PCDH11X: variants seen among roughly 807,000 people sequenced by gnomAD.
The protein encoded by PCDH11X is protocadherin 11 X-linked.
Under a neutral mutation model 53.3 loss-of-function variants are expected in PCDH11X, and 18 were observed. That is an observed-to-expected ratio of 0.34 (90% CI 0.23 to 0.50). The LOEUF (loss-of-function observed/expected upper bound fraction) is 0.50, where lower values mean the gene tolerates loss of function less well. Among genes scored for constraint, PCDH11X ranks in the 20% least tolerant of loss-of-function variants. PCDH11X has a pLI of 0.98. For synonymous variants in PCDH11X, 279 were observed against 393.3 expected, an observed-to-expected ratio of 0.71 and a Z score of 3.44; for missense variants, 570 against 1,032.4, an observed-to-expected ratio of 0.55 and a Z score of 6.14.
intron 6 of PCDH11X, among the ~76,000 whole-genome samples, chrX:92,150,648 T>G (rs1376112591): frequency 1.8e-5 from 2 of 111,374 alleles, no homozygotes; most frequent in African/African-American, 3.3e-5. Context: ...ATCTTCCTGA[T>G]AGTGAGCCTT....
chrX:92,593,264 A>G (rs1186336010), intron 10 of PCDH11X, among the ~76,000 whole-genome samples: 1 of 111,663 alleles, frequency 9.0e-6, no homozygotes, highest in African/African-American at 3.3e-5. Context: ...TAAGGTCTGG[A>G]GACATATAGA....
At chrX:92,194,196 T>C (rs2066251997) in intron 6 of PCDH11X, among the ~76,000 whole-genome samples, 1 of 111,876 alleles carries the variant, frequency 8.9e-6, no homozygotes, top group Non-Finnish European at 1.9e-5. Context: ...TGTGCCTACA[T>C]TGAGGAGTAA....
intron 6 of PCDH11X, among the ~76,000 whole-genome samples, chrX:92,078,948 C>G (rs1292565510): frequency 1.8e-5 from 2 of 109,952 alleles, no homozygotes; most frequent in Non-Finnish European, 3.8e-5. Flanking sequence ...GTTATAAGAG[C>G]CCAAGGAATC....
At chrX:92,599,135 C>T (rs1371861706) in intron 10 of PCDH11X, among the ~76,000 whole-genome samples, 1 of 111,290 alleles carries the variant, frequency 9.0e-6, no homozygotes, top group Non-Finnish European at 1.9e-5. Flanking sequence ...GATAGTAAAA[C>T]AGGATGACTA....
At chrX:92,467,564 C>A (rs1223082017) in intron 9 of PCDH11X, among the ~76,000 whole-genome samples, 5 of 110,966 alleles carry the variant, frequency 4.5e-5, no homozygotes, top group Non-Finnish European at 9.5e-5. Context: ...TATAAACATA[C>A]AATTATTTTG....
intron 8 of PCDH11X, among the ~76,000 whole-genome samples, chrX:92,303,010 G>A (rs1459050635): frequency 2.8e-5 from 3 of 106,975 alleles, no homozygotes; most frequent in Non-Finnish European, 3.9e-5. Flanking sequence ...AAACAAACTC[G>A]AAGCAGAATG....
In PCDH11X at chrX:92,362,995, AT is replaced by A. The variant is rs1298277545; in HGVS notation, c.3145-24732del. On this transcript the variant is annotated intron_variant, in intron 8 of 10. Coordinates refer to ENST00000682573, the MANE Select transcript of PCDH11X (RefSeq NM_032968.5). ...CCTTTAATTTTAGGTTCTCTAATCT[AT>A]TTTTTTTGGTCTATTTATCTGTCTT... 2.5e-3 allele frequency among the ~76,000 whole-genome samples: 271 copies of A among 109,053 alleles called. 2 individuals carry two copies. The highest frequency in any genetic ancestry group is 0.012 in the South Asian group (31 of 2,541). 94.7% of individuals were successfully genotyped at this position (109,053 alleles called of 115,157 possible).
At position 92,622,010 on chromosome X, in the gene PCDH11X, C is replaced by A. The variant is rs1928545958; in HGVS notation, c.*3070C>A. The A allele has an allele frequency of 1.0e-5, 1 of 100,153 alleles. No homozygotes were observed. Among genetic ancestry groups the A allele is most frequent in the Non-Finnish European group, 2.0e-5 (1 of 49,606 alleles). The allele number at this position is 100,153 out of a possible 1,213,427, so 8.3% of individuals were successfully genotyped here. On this transcript the variant is annotated 3_prime_UTR_variant, in exon 11 of 11. Coordinates refer to ENST00000682573, the MANE Select transcript of PCDH11X (RefSeq NM_032968.5). ...CTTATATGCTACGTGCATACACATT[C>A]TTTTCTTAAACTTTACCTGTGTTTT...
intron 10 of PCDH11X, among the ~76,000 whole-genome samples, chrX:92,498,116 C>T (rs1162006626): frequency 4.5e-5 from 5 of 111,742 alleles, no homozygotes; most frequent in African/African-American, 1.6e-4. Flanking sequence ...CAAGGATTTG[C>T]ATACAGTTTA....
intron 10 of PCDH11X, among the ~76,000 whole-genome samples, chrX:92,518,870 C>A (rs1381218309): frequency 9.5e-6 from 1 of 105,509 alleles, no homozygotes; most frequent in Non-Finnish European, 1.9e-5. Context: ...CATTCTCCTG[C>A]CTCAGCCTCC....
chrX:91,833,067 AT>A (rs1333532496), intron 4 of PCDH11X, among the ~76,000 whole-genome samples: 50 of 99,963 alleles, frequency 5.0e-4, no homozygotes, highest in Middle Eastern at 9.7e-3. Flanking sequence ...AGTTCTCATC[AT>A]TTAGCTCCCA....
At chrX:91,791,532 C>T (rs1161437581) in intron 1 of PCDH11X, among the ~76,000 whole-genome samples, 1 of 109,159 alleles carries the variant, frequency 9.2e-6, no homozygotes, top group Non-Finnish European at 1.9e-5. Context: ...CTATCACCTT[C>T]CACCAGGCCC....
chrX:91,837,940 A>G (rs1212284856), intron 5 of PCDH11X, among the ~76,000 whole-genome samples: 1 of 111,800 alleles, frequency 8.9e-6, no homozygotes, highest in East Asian at 2.8e-4. Context: ...AGTGGCTATC[A>G]TACTGCACAG....
At chrX:92,309,912 A>G (rs151101988) in intron 8 of PCDH11X, among the ~76,000 whole-genome samples, 32 of 112,102 alleles carry the variant, frequency 2.9e-4, no homozygotes, top group African/African-American at 1.0e-3. Flanking sequence ...CTGCTTTTCA[A>G]ACATCTCTTC....
At chrX:92,401,411 CT>C (rs1387290540) in intron 9 of PCDH11X, among the ~76,000 whole-genome samples, 2 of 110,810 alleles carry the variant, frequency 1.8e-5, no homozygotes, top group Non-Finnish European at 3.8e-5. Context: ...ACATTTTTTT[CT>C]TGTGTAGACA....
At chrX:91,868,229 C>A (rs1363649597) in intron 5 of PCDH11X, among the ~76,000 whole-genome samples, 3 of 112,048 alleles carry the variant, frequency 2.7e-5, no homozygotes, top group Non-Finnish European at 3.8e-5. Context: ...CATTAAAGAG[C>A]AAAAGATACG....
chrX:91,926,255 G>T (rs1941945854), intron 6 of PCDH11X, among the ~76,000 whole-genome samples: 1 of 109,945 alleles, frequency 9.1e-6, no homozygotes, highest in Admixed American at 9.8e-5. Context: ...TAGGCCATCT[G>T]CTGGAGAATT....
rs58763237 is a variant in PCDH11X at position 92,040,681 on chromosome X, TTG to T, written c.3034-160684_3034-160683del. Among the ~76,000 whole-genome samples, 15 of 111,160 alleles carry T rather than the reference TTG, an allele frequency of 1.3e-4. No homozygotes were observed. In the East Asian group the frequency reaches 4.0e-3, roughly 29 times the overall value. On this transcript the variant is annotated intron_variant, in intron 6 of 10. Coordinates refer to ENST00000682573, the MANE Select transcript of PCDH11X (RefSeq NM_032968.5). The stretch of plus-strand genomic sequence containing the variant: ...ATTTTTGACCTTATGACATTGCTTT[TTG>T]TGTGTGTGTAGTTAGTTGTTAGACT...
At chrX:92,042,622 A>G (rs1340759135) in intron 6 of PCDH11X, among the ~76,000 whole-genome samples, 17 of 97,291 alleles carry the variant, frequency 1.7e-4, no homozygotes, top group Non-Finnish European at 3.4e-4. Context: ...TCAGGAAGCT[A>G]TAAAGTTGTT....
Sources: gnomAD v4.1 joint callset for allele counts (sites outside exome capture counted in the v4.1 genomes callset) on GRCh38, gnomAD v4.1.1 for gene constraint, MANE v1.5 for transcripts, NCBI Gene and HGNC (gene_info 2026-07-23, HGNC 2026-07-21) for gene names.